RALYL: variants seen among roughly 807,000 people sequenced by gnomAD.
RALYL encodes RNA-binding Raly-like protein.
RALYL carries 29 observed loss-of-function variants against 35.1 expected under a neutral mutation model. The observed-to-expected ratio is 0.83, with a 90% CI of 0.61 to 1.13. The LOEUF (loss-of-function observed/expected upper bound fraction) is 1.13. Among genes scored for constraint, RALYL ranks in the 50% most tolerant of loss-of-function variants. The probability of loss-of-function intolerance (pLI) is 0.00; values close to 1 mark genes in which losing one functional copy is unlikely to be tolerated. For missense variants in RALYL, 359 were observed against 360.4 expected, an observed-to-expected ratio of 1.00 and a Z score of 0.03; for synonymous variants, 120 against 127.6, an observed-to-expected ratio of 0.94 and a Z score of 0.40.
intron 2 of RALYL, among the ~76,000 whole-genome samples, chr8:84,672,893 T>C (rs1027885198): frequency 6.6e-6 from 1 of 152,114 alleles, no homozygotes; most frequent in African/African-American, 2.4e-5. Context: ...ACCAAAAAGC[T>C]CCAGTTTCTG....
At chr8:84,865,326 T>C (rs1397397568) in intron 6 of RALYL, among the ~76,000 whole-genome samples, 2 of 152,212 alleles carry the variant, frequency 1.3e-5, no homozygotes, top group Non-Finnish European at 2.9e-5. Flanking sequence ...TTAATAGCTC[T>C]TTCCAGCATT....
rs971293489 is a variant in RALYL at position 84,203,204 on chromosome 8, T to C, written c.-24+18780T>C. On this transcript the variant is annotated intron_variant, in intron 1 of 8. Coordinates refer to ENST00000521268, the MANE Select transcript of RALYL (RefSeq NM_173848.7). Reference sequence around the variant, plus strand: ...AGGAGATGTAAAGTACATTCTCCTTTTGAGTCCTGCAGAGTTGCCAGGATG... The same window carrying C: ...AGGAGATGTAAAGTACATTCTCCTTCTGAGTCCTGCAGAGTTGCCAGGATG... Among the ~76,000 whole-genome samples the C allele has an allele frequency of 5.3e-5, 8 of 152,134 alleles. 1 individual carries two copies. The highest frequency in any genetic ancestry group is 5.9e-5 in the Non-Finnish European group (4 of 67,994).
At chr8:84,640,925 T>C (rs1380924833) in intron 2 of RALYL, among the ~76,000 whole-genome samples, 2 of 151,952 alleles carry the variant, frequency 1.3e-5, no homozygotes, top group African/African-American at 2.4e-5. Flanking sequence ...CTTCTAATTA[T>C]AGTCAACTGA....
At chr8:84,685,034 G>A (rs1836457089) in intron 2 of RALYL, among the ~76,000 whole-genome samples, 1 of 152,054 alleles carries the variant, frequency 6.6e-6, no homozygotes, top group African/African-American at 2.4e-5. Context: ...AAGCTCTCTG[G>A]TGTCTTTCCT....
At chr8:84,719,892 C>T (rs1228112096) in intron 2 of RALYL, among the ~76,000 whole-genome samples, 1 of 152,056 alleles carries the variant, frequency 6.6e-6, no homozygotes, top group Non-Finnish European at 1.5e-5. Flanking sequence ...ACCATATATA[C>T]AGTTAATCAA....
At chr8:84,850,898 G>A (rs759077290) in intron 5 of RALYL, among the ~76,000 whole-genome samples, 3 of 152,130 alleles carry the variant, frequency 2.0e-5, no homozygotes, top group Admixed American at 6.5e-5. Context: ...AGCGTTATAC[G>A]TTTCATCACA....
At chr8:84,426,649 G>T (rs955900134) in intron 1 of RALYL, among the ~76,000 whole-genome samples, 2 of 152,010 alleles carry the variant, frequency 1.3e-5, no homozygotes, top group African/African-American at 4.8e-5. Flanking sequence ...TTAAAAATGG[G>T]CAAAAGACCT....
intron 1 of RALYL, among the ~76,000 whole-genome samples, chr8:84,224,576 C>T (rs961684360): frequency 1.3e-5 from 2 of 151,844 alleles, no homozygotes; most frequent in Non-Finnish European, 2.9e-5. Context: ...TATATTTAAG[C>T]TAAGTATAAA....
chr8:84,616,539 G>C (rs1819710022), intron 2 of RALYL, among the ~76,000 whole-genome samples: 1 of 148,422 alleles, frequency 6.7e-6, no homozygotes, highest in South Asian at 2.1e-4. Context: ...CCATTTTGTA[G>C]GTTGCCTGTT....
chr8:84,396,885 A>C (rs551248748), intron 1 of RALYL, among the ~76,000 whole-genome samples: 2 of 152,216 alleles, frequency 1.3e-5, no homozygotes, highest in South Asian at 4.1e-4. Context: ...GTAAGCAATT[A>C]ATGTGGTTAT....
intron 2 of RALYL, among the ~76,000 whole-genome samples, chr8:84,744,672 C>T (rs1808195047): frequency 6.6e-6 from 1 of 151,950 alleles, no homozygotes; most frequent in African/African-American, 2.4e-5. Context: ...CAAGGCCATT[C>T]AGAGCTTTTC....
chr8:84,823,396 T>C (rs1042032798), intron 4 of RALYL, among the ~76,000 whole-genome samples: 3 of 152,124 alleles, frequency 2.0e-5, no homozygotes, highest in African/African-American at 7.2e-5. Flanking sequence ...AAGTCATTCC[T>C]TGAAGACTCT....
intron 1 of RALYL, among the ~76,000 whole-genome samples, chr8:84,287,796 G>C (rs1459591806): frequency 2.0e-5 from 3 of 152,150 alleles, no homozygotes; most frequent in African/African-American, 7.2e-5. Flanking sequence ...TTGGAGAATG[G>C]TTAGAAATGG....
intron 1 of RALYL, among the ~76,000 whole-genome samples, chr8:84,420,203 A>C (rs947339281): frequency 1.3e-5 from 2 of 151,892 alleles, no homozygotes; most frequent in Non-Finnish European, 2.9e-5. Flanking sequence ...CCTCTCCAGC[A>C]CCTGTTGTTT....
intron 1 of RALYL, among the ~76,000 whole-genome samples, chr8:84,463,797 T>C (rs1381019213): frequency 2.0e-5 from 3 of 152,126 alleles, no homozygotes; most frequent in Non-Finnish European, 4.4e-5. Context: ...TCACCCTTTT[T>C]AGTGTACCAT....
intron 1 of RALYL, among the ~76,000 whole-genome samples, chr8:84,419,232 C>T (rs1587006574): frequency 2.0e-5 from 3 of 152,110 alleles, no homozygotes; most frequent in Admixed American, 2.0e-4. Context: ...CGTTGTGGCT[C>T]ATAGTCTTCT....
At chr8:84,681,063 A>C (rs1374218755) in intron 2 of RALYL, among the ~76,000 whole-genome samples, 1 of 152,026 alleles carries the variant, frequency 6.6e-6, no homozygotes, top group African/African-American at 2.4e-5. Context: ...TCAGCTTTCT[A>C]CATATGGCTA....
At chr8:84,412,653 T>A in intron 1 of RALYL, among the ~76,000 whole-genome samples, 1 of 152,036 alleles carries the variant, frequency 6.6e-6, no homozygotes, top group East Asian at 1.9e-4. Flanking sequence ...TCTATATTAA[T>A]GATAAAACTA....
chr8:84,775,175 C>T (rs564748320), intron 3 of RALYL, among the ~76,000 whole-genome samples: 89 of 152,148 alleles, frequency 5.8e-4, no homozygotes, highest in South Asian at 2.1e-4. Flanking sequence ...AGGTTGATCT[C>T]GAACTTCTGA....
Sources: allele counts gnomAD v4.1 joint callset (sites outside exome capture counted in the v4.1 genomes callset), GRCh38; gene constraint gnomAD v4.1.1; transcripts MANE v1.5; gene names NCBI Gene and HGNC (gene_info 2026-07-23, HGNC 2026-07-21).